Variants in SNAPC1 observed in about 807,000 individuals in gnomAD.
The protein encoded by SNAPC1 is snRNA-activating protein complex subunit 1.
SNAPC1 carries 42 observed loss-of-function variants against 50.1 expected under a neutral mutation model. That is an observed-to-expected ratio of 0.84 (90% CI 0.65 to 1.08). The LOEUF (loss-of-function observed/expected upper bound fraction) is 1.08. Ranked by LOEUF, SNAPC1 falls within the 50% of genes least tolerant of loss-of-function variation. The pLI, the probability that SNAPC1 is intolerant of heterozygous loss-of-function variation, is 0.00. For missense variants in SNAPC1, 477 were observed against 427.3 expected (o/e 1.12, Z -1.02); for synonymous variants, 164 against 144.2 (o/e 1.14, Z -0.98).
At position 61,762,468 on chromosome 14, in the gene SNAPC1, C is replaced by T. The variant is rs779765377; in HGVS notation, c.8C>T (p.Thr3Ile). 15 of 1,138,376 alleles carry T rather than the reference C, an allele frequency of 1.3e-5. No homozygotes were observed. The highest frequency in any genetic ancestry group is 3.0e-5 in the East Asian group (1 of 32,922). The allele number at this position is 1,138,376 out of a possible 1,614,324, so 70.5% of individuals were successfully genotyped here. ...GTGCGGGCTTCGGGTGCCATGGGGA[C>T]TCCTCCCGGCCTGCAGACCGACTGC... MG[T>I]PPGLQTDCEA... Residue 3 changes from threonine (T) to isoleucine (I), a missense_variant, in exon 1 of 10, where the codon ACT becomes ATT. Thr to Ile is a moderately conservative substitution (Grantham distance 89). Transcript: ENST00000216294.
intron 8 of SNAPC1, among the ~76,000 whole-genome samples, chr14:61,785,766 A>G (rs879152365): frequency 1.3e-5 from 2 of 152,210 alleles, no homozygotes; most frequent in Admixed American, 6.5e-5. Flanking sequence ...CACCTAATAC[A>G]AATAATACGC....
At chr14:61,764,640 C>G (rs2044933651) in intron 1 of SNAPC1, among the ~76,000 whole-genome samples, 1 of 151,976 alleles carries the variant, frequency 6.6e-6, no homozygotes, top group Admixed American at 6.6e-5. Context: ...CTGCCTGTTT[C>G]TAAAATCCGT....
chr14:61,780,592 C>G (rs952409979), intron 7 of SNAPC1, among the ~76,000 whole-genome samples: 1 of 152,086 alleles, frequency 6.6e-6, no homozygotes, highest in African/African-American at 2.4e-5. Context: ...AGACCTTTAT[C>G]GAATGCAAAG....
chr14:61,783,332 C>T (rs1357102748), intron 8 of SNAPC1, among the ~76,000 whole-genome samples: 1 of 151,386 alleles, frequency 6.6e-6, no homozygotes, highest in East Asian at 2.0e-4. Flanking sequence ...CACGCGGCCT[C>T]CAGTGCATAT....
intron 8 of SNAPC1, among the ~76,000 whole-genome samples, chr14:61,791,328 A>G (rs1292900949): frequency 6.6e-6 from 1 of 152,192 alleles, no homozygotes; most frequent in South Asian, 2.1e-4. Context: ...CTTTTTAAAA[A>G]TTTAATTATT....
chr14:61,772,395 C>T (rs2044998011), intron 4 of SNAPC1, among the ~76,000 whole-genome samples: 1 of 152,222 alleles, frequency 6.6e-6, no homozygotes, highest in Non-Finnish European at 1.5e-5. Context: ...CAGGCACGTG[C>T]CACCACGCTG....
rs150270970 is a variant in SNAPC1 at position 61,789,899 on chromosome 14, A to AAAT, written c.977-2906_977-2904dup. Among the ~76,000 whole-genome samples, 139 of 152,248 alleles carry AAAT rather than the reference A, an allele frequency of 9.1e-4. 1 individual carries two copies. Among genetic ancestry groups the AAAT allele is most frequent in the African/African-American group, 3.2e-3 (131 of 41,534 alleles). ...TGGTAGGTAGCTGGGAACAAACTGA[A>AAAT]AATAGGAACACTAAGTAGAGGGCTG... On this transcript the variant is annotated intron_variant, in intron 8 of 9. Coordinates refer to ENST00000216294, the MANE Select transcript of SNAPC1 (RefSeq NM_003082.4).
intron 9 of SNAPC1, among the ~76,000 whole-genome samples, chr14:61,793,718 G>T (rs28611005): frequency 0.15 from 22,154 of 143,228 alleles, 2,046 homozygotes; most frequent in South Asian, 0.32. Flanking sequence ...GTGCAATGGC[G>T]TGATCTCAGC....
Position 61,794,938 on chromosome 14 carries a change from T to C in SNAPC1, c.1073-11T>C. The C allele has an allele frequency of 6.3e-7, 1 of 1,581,078 alleles. No individual in the cohort carries two copies. Among genetic ancestry groups the C allele is most frequent in the Non-Finnish European group, 8.6e-7 (1 of 1,159,452 alleles). On this transcript the variant is annotated splice_polypyrimidine_tract_variant and intron_variant, in intron 9 of 9. Transcript: ENST00000216294. ...TTAGATCTGACTGACTTTTAAACTT[T>C]ATGTCTTTAGAGTTCACTGCATCCA...
chr14:61,785,117 T>C (rs768161817), intron 8 of SNAPC1, among the ~76,000 whole-genome samples: 8 of 152,144 alleles, frequency 5.3e-5, no homozygotes, highest in Non-Finnish European at 1.0e-4. Context: ...GACACAAGTT[T>C]CCAGGCCGGG....
chr14:61,767,007 A>G lies in SNAPC1; in HGVS notation c.260A>G (p.Asn87Ser). The G allele has an allele frequency of 6.3e-7, 1 of 1,598,280 alleles. No individual in the cohort carries two copies. The highest frequency in any genetic ancestry group is 8.5e-7 in the Non-Finnish European group (1 of 1,171,054). The change falls in exon 2 of 10, where the codon AAT (asparagine) becomes AGT (serine). Residue 87 changes from asparagine to serine, a missense_variant. Asn to Ser is a conservative substitution (Grantham distance 46). Coordinates refer to ENST00000216294, the MANE Select transcript of SNAPC1 (RefSeq NM_003082.4). ...TTGTATCTGCTATATGGATTATATA[A>G]TACCCAACTGTGTCAACCAAAACAA... is the stretch of plus-strand genomic sequence containing the variant. ...GALYLLYGLYNTQLCQPKQKI... is the reference protein window; with the variant it reads ...GALYLLYGLYSTQLCQPKQKI...
chr14:61,762,673 T>A, intron 1 of SNAPC1, 85 bp downstream of exon 1: 1 of 1,518,542 alleles, frequency 6.6e-7, no homozygotes. Context: ...ATTGCACTTG[T>A]GAAGGGCTGA....
Position 61,778,873 on chromosome 14 carries a change from C to G in SNAPC1, c.788C>G (p.Ala263Gly). ...TERCERAESL[A>G]KIKSKAFSVV... ...AGATGTGAAAGGGCAGAATCATTAG[C>G]GAAAATAAAATCAAAGGCCTTTTCA... The change falls in exon 7 of 10, where the codon GCG becomes GGG. Residue 263 changes from alanine (A) to glycine (G), a missense_variant. Transcript: ENST00000216294. The G allele has an allele frequency of 6.4e-7, 1 of 1,555,066 alleles. No homozygotes were observed. Among genetic ancestry groups the G allele is most frequent in the Non-Finnish European group, 8.6e-7 (1 of 1,156,726 alleles).
chr14:61,782,105 C>T (rs2045079151), intron 7 of SNAPC1, 142 bp from the exon 8 acceptor site: 2 of 595,422 alleles, frequency 3.4e-6, no homozygotes, highest in Non-Finnish European at 5.5e-6. Context: ...AGTAAGCCAG[C>T]CAGGGGTAAT....
At chr14:61,779,805 T>G (rs542793686) in intron 7 of SNAPC1, among the ~76,000 whole-genome samples, 1 of 150,408 alleles carries the variant, frequency 6.6e-6, no homozygotes, top group African/African-American at 2.4e-5. Context: ...GCTTCCCAGG[T>G]TCAAGTGATT....
intron 8 of SNAPC1, among the ~76,000 whole-genome samples, chr14:61,789,874 T>C (rs1300825020): frequency 6.6e-6 from 1 of 152,060 alleles, no homozygotes; most frequent in Non-Finnish European, 1.5e-5. Flanking sequence ...GGGAGTAGAA[T>C]GGTAGGTAGC....
intron 3 of SNAPC1, 28 bp from the exon 4 acceptor site, chr14:61,768,608 A>G (rs754758749): frequency 8.6e-7 from 1 of 1,168,420 alleles, no homozygotes; most frequent in Non-Finnish European, 1.3e-6. Context: ...AAAGATACTC[A>G]TTTAAAAAGA....
rs1369461229 is a variant in SNAPC1 at position 61,767,036 on chromosome 14, G to A, written c.288+1G>A. The A allele has an allele frequency of 3.3e-6, 5 of 1,526,094 alleles. No homozygotes were observed. In the South Asian group the frequency reaches 5.6e-5, roughly 17 times the overall value. 94.5% of individuals were successfully genotyped at this position (1,526,094 alleles called of 1,614,324 possible). On this transcript the variant is annotated splice_donor_variant, in intron 2 of 9. Transcript: ENST00000216294. LOFTEE classifies it high-confidence loss of function. ...CCAACTGTGTCAACCAAAACAAAAG[G>A]TAATACTTAGTGAGTTATTTTTCCT...
At chr14:61,778,203 C>A (rs1445110797) in intron 6 of SNAPC1, 63 bp downstream of exon 6, 4 of 945,620 alleles carry the variant, frequency 4.2e-6, no homozygotes, top group Non-Finnish European at 4.9e-6. Context: ...GCATTGTGAC[C>A]CATGGTCAGT....
Sources: gnomAD v4.1 joint callset for allele counts (sites outside exome capture counted in the v4.1 genomes callset) on GRCh38, gnomAD v4.1.1 for gene constraint, MANE v1.5 for transcripts, NCBI Gene and HGNC (gene_info 2026-07-23, HGNC 2026-07-21) for gene names.